OLFM3: variants seen among roughly 807,000 people sequenced by gnomAD.
OLFM3 encodes olfactomedin 3.
Under a neutral mutation model 48.6 loss-of-function variants are expected in OLFM3, and 20 were observed. That is an observed-to-expected ratio of 0.41 (90% CI 0.29 to 0.60). The LOEUF is 0.60. Among genes scored for constraint, OLFM3 ranks in the 20% least tolerant of loss-of-function variants. OLFM3 has a pLI of 0.28. For missense variants in OLFM3, 437 were observed against 544.3 expected (o/e 0.80, Z 1.96); for synonymous variants, 222 against 198.1 (o/e 1.12, Z -1.01).
At chr1:101,811,877 A>G (rs1197020032) in intron 4 of OLFM3, among the ~76,000 whole-genome samples, 1 of 152,182 alleles carries the variant, frequency 6.6e-6, no homozygotes, top group Non-Finnish European at 1.5e-5. Context: ...CTATAAAGAC[A>G]CATGCACACG....
chr1:101,869,290 G>A (rs756411954), intron 1 of OLFM3, among the ~76,000 whole-genome samples: 1 of 152,178 alleles, frequency 6.6e-6, no homozygotes, highest in African/African-American at 2.4e-5. Flanking sequence ...AAGGCTCTGG[G>A]AGCCCACCTC....
intron 1 of OLFM3, among the ~76,000 whole-genome samples, chr1:101,988,199 G>A (rs1407139154): frequency 6.6e-6 from 1 of 152,080 alleles, no homozygotes; most frequent in Non-Finnish European, 1.5e-5. Flanking sequence ...ATCAAATAAA[G>A]CTAAGACATT....
intron 1 of OLFM3, among the ~76,000 whole-genome samples, chr1:101,880,648 TG>T (rs1049783863): frequency 6.6e-6 from 1 of 151,794 alleles, no homozygotes; most frequent in African/African-American, 2.4e-5. Flanking sequence ...TAGAGGTAGT[TG>T]TTAATAATTT....
intron 1 of OLFM3, among the ~76,000 whole-genome samples, chr1:101,925,673 C>T (rs1659249290): frequency 6.7e-6 from 1 of 150,282 alleles, no homozygotes; most frequent in Non-Finnish European, 1.5e-5. Context: ...AACGTGTTAC[C>T]ACTCCCGGCT....
chr1:101,864,541 T>C (rs1656782589), intron 1 of OLFM3, among the ~76,000 whole-genome samples: 1 of 152,246 alleles, frequency 6.6e-6, no homozygotes, highest in Admixed American at 6.5e-5. Context: ...ACACAATTAC[T>C]GTTTTTTGTT....
chr1:101,899,888 T>C (rs1480614927), intron 1 of OLFM3, among the ~76,000 whole-genome samples: 1 of 152,294 alleles, frequency 6.6e-6, no homozygotes, highest in East Asian at 1.9e-4. Context: ...TGTTTTAATG[T>C]CAGCTCTTTG....
At chr1:101,823,565 C>T (rs1654708535) in intron 4 of OLFM3, among the ~76,000 whole-genome samples, 1 of 151,902 alleles carries the variant, frequency 6.6e-6, no homozygotes, top group Non-Finnish European at 1.5e-5. Flanking sequence ...CAGAAGGGGC[C>T]ACACATGAAG....
At position 101,804,928 on chromosome 1, in the gene OLFM3, A is replaced by G. The variant is rs768077509; in HGVS notation, c.700-13T>C. On this transcript the variant is annotated splice_polypyrimidine_tract_variant and intron_variant, in intron 5 of 5. Coordinates refer to ENST00000370103, the MANE Select transcript of OLFM3 (RefSeq NM_058170.4). This position sits in a 1 kb window ranked among gnomAD's most constrained non-coding sequence, Gnocchi z 4.5. The stretch of plus-strand genomic sequence containing the variant: ...CCATGTACCAGACCTGAGAAGAAGG[A>G]AAAAAATAAATGGAGTGACTAAATT... 6.3e-7 allele frequency: 1 copy of G among 1,581,342 alleles called. No individual in the cohort carries two copies. Among genetic ancestry groups the G allele is most frequent in the Non-Finnish European group, 8.6e-7 (1 of 1,163,798 alleles).
chr1:101,879,637 T>C (rs1474201590), intron 1 of OLFM3, among the ~76,000 whole-genome samples: 2 of 151,888 alleles, frequency 1.3e-5, no homozygotes, highest in African/African-American at 2.4e-5. Context: ...TGGATTTATA[T>C]AGAAGCCTAG....
At chr1:101,814,022 A>G (rs1448937015) in intron 4 of OLFM3, among the ~76,000 whole-genome samples, 1 of 152,154 alleles carries the variant, frequency 6.6e-6, no homozygotes, top group Non-Finnish European at 1.5e-5. Flanking sequence ...ATGTATGAAA[A>G]TGTCCTTTAC....
chr1:101,826,600 T>C (rs1199000558), intron 3 of OLFM3, among the ~76,000 whole-genome samples: 1 of 152,228 alleles, frequency 6.6e-6, no homozygotes, highest in Non-Finnish European at 1.5e-5. Flanking sequence ...TTCCACTTGC[T>C]CTGTAAGTTC....
intron 1 of OLFM3, among the ~76,000 whole-genome samples, chr1:101,897,836 G>A (rs976869063): frequency 1.3e-5 from 2 of 152,042 alleles, no homozygotes; most frequent in Non-Finnish European, 2.9e-5. Context: ...ATGATTTCTA[G>A]AGTAAACAGA....
At chr1:101,989,311 CA>C (rs2101119034) in intron 1 of OLFM3, among the ~76,000 whole-genome samples, 2 of 151,786 alleles carry the variant, frequency 1.3e-5, no homozygotes, top group East Asian at 3.9e-4. Context: ...GTTTTTAAAG[CA>C]AAAAAGAATC....
At chr1:101,881,742 A>G (rs577322857) in intron 1 of OLFM3, among the ~76,000 whole-genome samples, 1 of 151,894 alleles carries the variant, frequency 6.6e-6, no homozygotes, top group Admixed American at 6.6e-5. Flanking sequence ...GCGAATTACA[A>G]AAGTCCAGCC....
chr1:101,940,696 A>C (rs1344198424), intron 1 of OLFM3, among the ~76,000 whole-genome samples: 1 of 149,444 alleles, frequency 6.7e-6, no homozygotes, highest in Admixed American at 6.7e-5. Context: ...ATATATATCC[A>C]GTTTTATATA....
chr1:101,882,707 G>A (rs535747540), intron 1 of OLFM3: 1 of 151,800 alleles, frequency 6.6e-6, no homozygotes, highest in South Asian at 2.1e-4. Flanking sequence ...AGACTCTTGG[G>A]CAGTACCAGA....
chr1:101,936,939 C>CA (rs1300896758), intron 1 of OLFM3, among the ~76,000 whole-genome samples: 4 of 152,022 alleles, frequency 2.6e-5, no homozygotes, highest in South Asian at 2.1e-4. Context: ...GGACCCCTTC[C>CA]GTACATCATA....
chr1:101,933,022 T>A (rs1486273515), intron 1 of OLFM3, among the ~76,000 whole-genome samples: 2 of 151,618 alleles, frequency 1.3e-5, no homozygotes, highest in Admixed American at 1.3e-4. Context: ...GCTAACACGA[T>A]GAAACCCATC....
chr1:101,976,581 G>A (rs1345565636), intron 1 of OLFM3, among the ~76,000 whole-genome samples: 2 of 152,102 alleles, frequency 1.3e-5, no homozygotes, highest in Admixed American at 6.6e-5. Flanking sequence ...ATTATGTCAT[G>A]TACTTCCCAC....
Sources: gnomAD v4.1 joint callset for allele counts (sites outside exome capture counted in the v4.1 genomes callset) on GRCh38, gnomAD v4.1.1 for gene constraint, Gnocchi (gnomAD v3.1) non-coding constraint, MANE v1.5 for transcripts, NCBI Gene and HGNC (gene_info 2026-07-23, HGNC 2026-07-21) for gene names.